AKR1E2: variants seen among roughly 807,000 people sequenced by gnomAD.
AKR1E2 encodes 1,5-anhydro-D-fructose reductase.
A neutral mutation model predicts 41.9 loss-of-function variants in AKR1E2; 43 were observed. That is an observed-to-expected ratio of 1.03 (90% CI 0.80 to 1.32). AKR1E2 has a LOEUF of 1.32. Ranked by LOEUF, AKR1E2 falls within the 40% of genes most tolerant of loss-of-function variation. AKR1E2 has a pLI of 0.00. For missense variants in AKR1E2, 423 were observed against 396.5 expected (o/e 1.07, Z -0.57); for synonymous variants, 121 against 138.9 (o/e 0.87, Z 0.91).
downstream of AKR1E2, among the ~76,000 whole-genome samples, chr10:4,851,919 C>G (rs981723127): frequency 6.6e-6 from 1 of 152,084 alleles, no homozygotes; most frequent in Non-Finnish European, 1.5e-5. Context: ...GGTGTTGATT[C>G]CCGAGAAGAT....
intron 7 of AKR1E2, among the ~76,000 whole-genome samples, chr10:4,842,107 C>T (rs893170532): frequency 1.3e-5 from 2 of 152,142 alleles, no homozygotes; most frequent in East Asian, 3.9e-4. Flanking sequence ...CCCTCTGCCC[C>T]ACCAACTGCA....
chr10:4,830,646 G>C (rs752391720), intron 1 of AKR1E2, 29 bp from the exon 2 acceptor site: 4 of 1,611,502 alleles, frequency 2.5e-6, no homozygotes, highest in Non-Finnish European at 3.4e-6. Context: ...CTGACTGTGA[G>C]AAGACACTTT....
At position 4,836,040 on chromosome 10, in the gene AKR1E2, A is replaced by G. The variant is rs75520694; in HGVS notation, c.459+231A>G. ...TCTTGACACATTTGAGGGGTAGCTC[A>G]TTATAGACCTCACTTTTTTTCTCAA... On this transcript the variant is annotated intron_variant, in intron 4 of 9. Transcript: ENST00000298375. Among the ~76,000 whole-genome samples the G allele has an allele frequency of 0.035, 5,386 of 152,306 alleles. 150 individuals are homozygous for G. Among genetic ancestry groups the G allele is most frequent in the East Asian group, 0.11 (594 of 5,176 alleles).
At chr10:4,851,861 C>G (rs1291670815), downstream of AKR1E2, among the ~76,000 whole-genome samples, 5 of 152,112 alleles carry the variant, frequency 3.3e-5, no homozygotes, top group Non-Finnish European at 7.3e-5. Flanking sequence ...TACTCTTTCT[C>G]TTGGAATTAA....
chr10:4,833,268 C>T, intron 2 of AKR1E2, 82 bp from the exon 3 acceptor site: 1 of 1,130,114 alleles, frequency 8.8e-7, no homozygotes, highest in South Asian at 1.3e-5. Context: ...GGGTTCAAGA[C>T]AGTAGCTTTG....
At chr10:4,841,964 G>T (rs1289457580) in intron 7 of AKR1E2, 107 bp downstream of exon 7, 1 of 973,820 alleles carries the variant, frequency 1.0e-6, no homozygotes, top group South Asian at 1.8e-5. Flanking sequence ...GCTCACCCAG[G>T]TGAGTCCATG....
At chr10:4,831,752 A>G (rs112634311) in intron 2 of AKR1E2, among the ~76,000 whole-genome samples, 5,390 of 152,318 alleles carry the variant, frequency 0.035, 148 homozygotes, top group East Asian at 0.11. Context: ...AGTGGTGGAT[A>G]GGCTAAGCCA....
At chr10:4,829,684 T>A (rs1277743124) in intron 1 of AKR1E2, among the ~76,000 whole-genome samples, 1 of 152,184 alleles carries the variant, frequency 6.6e-6, no homozygotes, top group Non-Finnish European at 1.5e-5. Flanking sequence ...CCATTTTATC[T>A]CATTTTTCCA....
At chr10:4,849,437 C>T (rs1354015263), downstream of AKR1E2, among the ~76,000 whole-genome samples, 1 of 152,374 alleles carries the variant, frequency 6.6e-6, no homozygotes, top group Non-Finnish European at 1.5e-5. Flanking sequence ...CAGTCATCTG[C>T]ATGTAGCACT....
chr10:4,844,270 G>C (rs1304814815), intron 8 of AKR1E2, among the ~76,000 whole-genome samples: 2 of 152,040 alleles, frequency 1.3e-5, no homozygotes, highest in African/African-American at 4.8e-5. Flanking sequence ...GGCGCGTCTG[G>C]AGTTGTTCGT....
chr10:4,844,797 T>G (rs577012652), intron 8 of AKR1E2, among the ~76,000 whole-genome samples: 1 of 152,242 alleles, frequency 6.6e-6, no homozygotes, highest in South Asian at 2.1e-4. Flanking sequence ...TACAATCCCC[T>G]AGCTAGACAT....
intron 7 of AKR1E2, 64 bp from the exon 8 acceptor site, chr10:4,842,357 G>A: frequency 1.4e-6 from 2 of 1,459,062 alleles, no homozygotes; most frequent in Non-Finnish European, 1.9e-6. Flanking sequence ...TCACATGTTA[G>A]AAAATAACTT....
At chr10:4,846,426 G>C (rs764584107) in intron 8 of AKR1E2, among the ~76,000 whole-genome samples, 12 of 152,166 alleles carry the variant, frequency 7.9e-5, no homozygotes, top group Non-Finnish European at 1.5e-4. Context: ...TCTGTGATAT[G>C]GGTACTGTTA....
intron 3 of AKR1E2, among the ~76,000 whole-genome samples, chr10:4,834,581 C>T (rs746699691): frequency 6.6e-6 from 1 of 152,172 alleles, no homozygotes; most frequent in Non-Finnish European, 1.5e-5. Context: ...TCATTTAATT[C>T]TCATGACAGT....
chr10:4,859,162 G>A, the AKR1E2 span, among the ~76,000 whole-genome samples: 1 of 152,090 alleles, frequency 6.6e-6, no homozygotes, highest in East Asian at 1.9e-4. Flanking sequence ...TATGGTCTTT[G>A]AAGTTTTGTC....
chr10:4,861,989 A>AC, the AKR1E2 span, among the ~76,000 whole-genome samples: 3 of 152,128 alleles, frequency 2.0e-5, no homozygotes, highest in East Asian at 5.8e-4. Flanking sequence ...GGTGTTTTAG[A>AC]CATGAAGTCC....
At chr10:4,836,417 G>A (rs772240198) in intron 4 of AKR1E2, among the ~76,000 whole-genome samples, 7 of 152,204 alleles carry the variant, frequency 4.6e-5, no homozygotes, top group Non-Finnish European at 1.0e-4. Flanking sequence ...CCACAGGCTG[G>A]GGTGGGTCTC....
chr10:4,829,045 C>T (rs1832765776), intron 1 of AKR1E2, among the ~76,000 whole-genome samples: 3 of 152,090 alleles, frequency 2.0e-5, no homozygotes, highest in Admixed American at 2.0e-4. Context: ...AAAATTGCTT[C>T]TTCTTAGTTG....
At chr10:4,850,584 A>G (rs1171954835), downstream of AKR1E2, among the ~76,000 whole-genome samples, 1 of 152,112 alleles carries the variant, frequency 6.6e-6, no homozygotes, top group Non-Finnish European at 1.5e-5. Context: ...CGGTTTCTCC[A>G]CACCCTCGCC....
Sources: gnomAD v4.1 joint callset for allele counts (sites outside exome capture counted in the v4.1 genomes callset) on GRCh38, gnomAD v4.1.1 for gene constraint, MANE v1.5 for transcripts, NCBI Gene and HGNC (gene_info 2026-07-23, HGNC 2026-07-21) for gene names.